The following TTN variants were observed in gnomAD, a reference collection of about 807,000 sequenced individuals.
TTN encodes connectin.
Under a neutral mutation model 3,223.0 loss-of-function variants are expected in TTN, and 1,525 were observed. The observed-to-expected ratio is 0.47, with a 90% CI of 0.45 to 0.49. The LOEUF is 0.49. Ranked by LOEUF, TTN falls within the 20% of genes least tolerant of loss-of-function variation. The pLI is 0.00. For missense variants in TTN, 40,786 were observed against 43,424.0 expected (o/e 0.94, Z 5.40); for synonymous variants, 14,094 against 15,161.0 (o/e 0.93, Z 5.17).
Position 178,640,067 on chromosome 2 carries a change from CGGTTCA to C in TTN, c.40761_40766del (p.Glu13588_Pro13589del), listed in dbSNP as rs1560017819. ...GCTCACCTGCTTCGGGCTTTGGTTT[CGGTTCA>C]GGTGCAGGGAGAGGTATTGCTGGCT... On this transcript the variant is annotated inframe_deletion, in exon 222 of 363. Coordinates refer to ENST00000589042, the MANE Select transcript of TTN (RefSeq NM_001267550.2). 1 of 1,612,010 alleles carries C rather than the reference CGGTTCA, an allele frequency of 6.2e-7. No individual in the cohort carries two copies. Among genetic ancestry groups the C allele is most frequent in the South Asian group, 1.1e-5 (1 of 90,956 alleles).
chr2:178,677,849 C>T lies in TTN; in HGVS notation c.34063G>A (p.Glu11355Lys). ...ACTTCCTCTTCAGGAACAATTTCTT[C>T]TTCAAATAGAACTTCCTCTTCCTGA... ...LPQEEEVLFE[E>K]EIVPEEEVLP... Residue 11355 changes from glutamate to lysine, a missense_variant, in exon 146 of 363, where the codon GAA (glutamate) becomes AAA (lysine). Glu to Lys is a moderately conservative substitution (Grantham distance 56, BLOSUM62 1). Transcript: ENST00000589042. 6.2e-7 allele frequency: 1 copy of T among 1,612,594 alleles called. No individual in the cohort carries two copies.
At chr2:178,707,881 CAAAT>C (rs1056860638) in intron 99 of TTN, 68 bp from the exon 100 acceptor site, 42 of 1,500,460 alleles carry the variant, frequency 2.8e-5, no homozygotes, top group Admixed American at 1.6e-4. Flanking sequence ...ACAAGAGAAA[CAAAT>C]AAAGAGAAAA....
Position 178,636,431 on chromosome 2 carries a change from C to G in TTN, c.41296G>C (p.Glu13766Gln), listed in dbSNP as rs867849913. The part of the protein sequence containing the change: ...YTCVLRLGNK[E>Q]KTSTAKLVVE... ...ACAAGTTTAGCCGTGGAGGTCTTTT[C>G]TTTGTTTCCCAAACGTAAAACACAG... The change falls in exon 225 of 363, where the codon GAA (glutamate) becomes CAA (glutamine). Residue 13766 changes from glutamate to glutamine, a missense_variant. Physicochemically the swap from Glu to Gln is conservative, Grantham distance 29. Transcript: ENST00000589042. This position sits in a 1 kb window ranked among gnomAD's most constrained non-coding sequence, Gnocchi z 4.3. 3 of 1,610,954 alleles carry G rather than the reference C, an allele frequency of 1.9e-6. No homozygotes were observed. The highest frequency in any genetic ancestry group is 4.5e-5 in the East Asian group (2 of 44,652).
At position 178,735,562 on chromosome 2, in the gene TTN, C is replaced by T; in HGVS notation, c.14884G>A (p.Ala4962Thr). The T allele has an allele frequency of 6.2e-7, 1 of 1,609,178 alleles. No individual in the cohort carries two copies. ...LKDSGTYVCTASNEAGSSSCS... is the reference protein window; with the variant it reads ...LKDSGTYVCTTSNEAGSSSCS... ...GAGCTGCTTCCAGCCTCATTTGAAG[C>T]TGTACAGACATAGGTTCCTGAATCT... Residue 4962 changes from alanine to threonine, a missense_variant, in exon 50 of 363, where the codon GCT (alanine) becomes ACT (threonine). Physicochemically the swap from Ala to Thr is moderately conservative, Grantham distance 58. Transcript: ENST00000589042.
intron 40 of TTN, among the ~76,000 whole-genome samples, chr2:178,766,928 T>G (rs1472678910): frequency 6.6e-6 from 1 of 152,194 alleles, no homozygotes; most frequent in African/African-American, 2.4e-5. Flanking sequence ...ATGCTTTACC[T>G]TTGGGGGCTT....
chr2:178,633,207 GTCC>G lies in TTN; in HGVS notation c.43063_43065del (p.Gly14355del). 5 of 1,612,894 alleles carry G rather than the reference GTCC, an allele frequency of 3.1e-6. No individual in the cohort carries two copies. Among genetic ancestry groups the G allele is most frequent in the Non-Finnish European group, 4.2e-6 (5 of 1,179,398 alleles). ...CTTACAGGGGAAGCTGTCAAAGGCTGTCCTTTCAGCTTCCACTGGCCGTGAACA... is the reference window on the plus strand; with the variant it reads ...CTTACAGGGGAAGCTGTCAAAGGCTGTTTCAGCTTCCACTGGCCGTGAACA... On this transcript the variant is annotated inframe_deletion, in exon 233 of 363. Transcript: ENST00000589042.
intron 168 of TTN, 90 bp from the exon 169 acceptor site, chr2:178,664,188 T>C: frequency 1.5e-6 from 2 of 1,310,820 alleles, no homozygotes; most frequent in Non-Finnish European, 2.1e-6. Flanking sequence ...GAGCTATTTT[T>C]TTCTCCTGAG....
At chr2:178,686,445 T>C (rs2070948325) in intron 127 of TTN, among the ~76,000 whole-genome samples, 1 of 151,490 alleles carries the variant, frequency 6.6e-6, no homozygotes, top group Admixed American at 6.6e-5. Flanking sequence ...TAAGACAATG[T>C]CTTGCTTTGT....
intron 47 of TTN, among the ~76,000 whole-genome samples, chr2:178,742,671 G>C (rs1318427257): frequency 6.6e-6 from 1 of 152,092 alleles, no homozygotes; most frequent in African/African-American, 2.4e-5. Context: ...GCATAACAGA[G>C]ACTCTTTAAA....
At position 178,743,968 on chromosome 2, in the gene TTN, T is replaced by C. The variant is rs986913399; in HGVS notation, c.11312-2047A>G. On this transcript the variant is annotated intron_variant, in intron 47 of 362. Transcript: ENST00000589042. ...TTTTGTGAGGGAGGCAGGGGAGGCCTGGCTGCTCTGCCTATTTTCTGTACA... is the reference window on the plus strand; with the variant it reads ...TTTTGTGAGGGAGGCAGGGGAGGCCCGGCTGCTCTGCCTATTTTCTGTACA... Among the ~76,000 whole-genome samples the C allele has an allele frequency of 2.0e-5, 3 of 151,958 alleles. No individual in the cohort carries two copies. The East Asian group carries it at 5.8e-4, about 29-fold the overall frequency.
intron 167 of TTN, 24 bp from the exon 168 acceptor site, chr2:178,664,561 C>T (rs779929719): frequency 6.2e-7 from 1 of 1,605,662 alleles, no homozygotes; most frequent in South Asian, 1.1e-5. Flanking sequence ...AATAATTTTA[C>T]ATTTAGAAGT....
At position 178,621,478 on chromosome 2, in the gene TTN, G is replaced by A; in HGVS notation, c.45346C>T (p.His15116Tyr). The change falls in exon 245 of 363, where the codon CAT becomes TAT. Residue 15116 changes from histidine to tyrosine, a missense_variant. Transcript: ENST00000589042. ...TTATTCACTGTAGTTTTCATACCAT[G>A]TACTTTGACTTTGCCATCGGTTCGA... is the stretch of plus-strand genomic sequence containing the variant. The part of the protein sequence containing the change: ...SSRTDGKVKV[H>Y]ELAAEFISKP... 1 of 1,612,214 alleles carries A rather than the reference G, an allele frequency of 6.2e-7. No individual in the cohort carries two copies. Among genetic ancestry groups the A allele is most frequent in the Non-Finnish European group, 8.5e-7 (1 of 1,178,998 alleles).
At chr2:178,649,116 T>G in intron 213 of TTN, 132 bp downstream of exon 213, 2 of 706,696 alleles carry the variant, frequency 2.8e-6, no homozygotes, top group Admixed American at 7.5e-5. Flanking sequence ...TTTTTTCCCT[T>G]CATTATTTCC....
Position 178,601,099 on chromosome 2 carries a change from G to T in TTN, c.55805C>A (p.Pro18602His), listed in dbSNP as rs559554374. Residue 18602 changes from proline to histidine, a missense_variant, in exon 288 of 363, where the codon CCC (proline) becomes CAC (histidine). Physicochemically the swap from Pro to His is moderately conservative, Grantham distance 77. Coordinates refer to ENST00000589042, the MANE Select transcript of TTN (RefSeq NM_001267550.2). ...AGGGGAGCCCCCATCATTCTTCGGG[G>T]GTTTCCATGACAGATGCACTGTGTT... ...TKNTVHLSWK[P>H]PKNDGGSPVT... The T allele has an allele frequency of 1.2e-6, 2 of 1,601,910 alleles. No homozygotes were observed. The highest frequency in any genetic ancestry group is 4.5e-5 in the East Asian group (2 of 44,546).
chr2:178,573,833 T>G lies in TTN; in HGVS notation c.72299A>C (p.Tyr24100Ser). The change falls in exon 326 of 363, where the codon TAT (tyrosine) becomes TCT (serine). Residue 24100 changes from tyrosine to serine, a missense_variant. Transcript: ENST00000589042. ...KDSTRRDSGAYTLTATNPGGF... is the reference protein window; with the variant it reads ...KDSTRRDSGASTLTATNPGGF... ...ACCAGGATTAGTCGCTGTAAGGGTA[T>G]AGGCACCACTATCCCTTCTTGTTGA... 3 of 1,612,286 alleles carry G rather than the reference T, an allele frequency of 1.9e-6. No homozygotes were observed. In the East Asian group the frequency reaches 6.7e-5, roughly 36 times the overall value.
Position 178,609,338 on chromosome 2 carries a change from A to T in TTN, c.51972T>A (p.Ile17324=). The change falls in exon 273 of 363, where the codon ATT becomes ATA. Residue 17324 remains isoleucine, a synonymous_variant. Transcript: ENST00000589042. ...FVLPLTQRLS[I]DNSKKGESQL... is the part of the protein sequence containing the mutation. ...GAGATTCTCCCTTTTTGCTGTTGTC[A>T]ATACTCAAACGCTGTGTCAGAGGCA... 6.2e-7 allele frequency: 1 copy of T among 1,611,078 alleles called. No homozygotes were observed. The highest frequency in any genetic ancestry group is 8.5e-7 in the Non-Finnish European group (1 of 1,178,616).
chr2:178,619,371 A>G, intron 250 of TTN: 1 of 537,182 alleles, frequency 1.9e-6, no homozygotes, highest in Non-Finnish European at 3.2e-6. Flanking sequence ...GCTTAGTTGT[A>G]GCCTAAGTTC....
rs1060503965 is a variant in TTN, at chr2:178,537,442, G to A, written c.99765C>T (p.Val33255=). 1.9e-6 allele frequency: 3 copies of A among 1,613,024 alleles called. No homozygotes were observed. The highest frequency in any genetic ancestry group is 2.5e-6 in the Non-Finnish European group (3 of 1,179,434). ...IENTEHYTHL[V]MKNVQRKTHA... is the part of the protein sequence containing the mutation. ...GAGTCTTACGTTGGACATTCTTCAT[G>A]ACAAGATGAGTATAGTGCTCAGTGT... The change falls in exon 355 of 363, where the codon GTC becomes GTT. Residue 33255 remains valine, a synonymous_variant. Transcript: ENST00000589042.
chr2:178,583,496 A>G (rs1286556014), intron 312 of TTN, 111 bp downstream of exon 312: 5 of 1,184,370 alleles, frequency 4.2e-6, no homozygotes, highest in South Asian at 1.9e-5. Context: ...TATACAAAAC[A>G]TCATTTTAAT....
Sources: allele counts gnomAD v4.1 joint callset (sites outside exome capture counted in the v4.1 genomes callset), GRCh38; gene constraint gnomAD v4.1.1; non-coding constraint Gnocchi (gnomAD v3.1); transcripts MANE v1.5; gene names NCBI Gene and HGNC (gene_info 2026-07-23, HGNC 2026-07-21).